DNAH12: variants seen among roughly 807,000 people sequenced by gnomAD.
DNAH12 encodes axonemal beta dynein heavy chain 12.
Under a neutral mutation model 371.5 loss-of-function variants are expected in DNAH12, and 285 were observed. That is an observed-to-expected ratio of 0.77 (90% confidence interval 0.70 to 0.85). The LOEUF (loss-of-function observed/expected upper bound fraction) is 0.85, where lower values mean the gene tolerates loss of function less well. Ranked by LOEUF, DNAH12 falls within the 40% of genes least tolerant of loss-of-function variation. The pLI is 0.00. For synonymous variants in DNAH12, 1,200 were observed against 1,213.0 expected, an observed-to-expected ratio of 0.99 and a Z score of 0.22; for missense variants, 3,611 against 3,689.4, an observed-to-expected ratio of 0.98 and a Z score of 0.55.
intron 4 of DNAH12, among the ~76,000 whole-genome samples, chr3:57,515,250 C>T (rs1309543224): frequency 6.6e-6 from 1 of 152,120 alleles, no homozygotes; most frequent in African/African-American, 2.4e-5. Context: ...TACCATTCTC[C>T]ACTAAAAGGA....
chr3:57,408,779 C>T (rs534060797), intron 39 of DNAH12, among the ~76,000 whole-genome samples: 4 of 152,228 alleles, frequency 2.6e-5, no homozygotes, highest in South Asian at 2.1e-4. Flanking sequence ...TTTTCCCTCT[C>T]TTTCCTCCTA....
chr3:57,398,298 C>T (rs2063785968), intron 43 of DNAH12, among the ~76,000 whole-genome samples: 1 of 152,026 alleles, frequency 6.6e-6, no homozygotes, highest in Non-Finnish European at 1.5e-5. Flanking sequence ...TTATGGTACA[C>T]CATCAAGTGG....
intron 13 of DNAH12, among the ~76,000 whole-genome samples, chr3:57,472,916 T>C (rs1353129480): frequency 6.6e-6 from 1 of 152,194 alleles, no homozygotes; most frequent in East Asian, 1.9e-4. Context: ...AAGTTTTCAC[T>C]TACAGTTGAT....
chr3:57,553,893 C>A, the DNAH12 span, among the ~76,000 whole-genome samples: 1 of 150,008 alleles, frequency 6.7e-6, no homozygotes, highest in Non-Finnish European at 1.5e-5. Context: ...GGCGCGATCT[C>A]GGCTCACTGC....
chr3:57,529,920 T>C (rs1400766300), intron 2 of DNAH12, among the ~76,000 whole-genome samples: 1 of 152,144 alleles, frequency 6.6e-6, no homozygotes, highest in East Asian at 1.9e-4. Context: ...CCATAGGTTT[T>C]CATATGTTGC....
chr3:57,507,308 GAATC>G (rs1325340944), intron 8 of DNAH12, among the ~76,000 whole-genome samples: 2 of 151,934 alleles, frequency 1.3e-5, no homozygotes, highest in Non-Finnish European at 2.9e-5. Context: ...AACAAAATGA[GAATC>G]AATCAACTTG....
intron 58 of DNAH12, among the ~76,000 whole-genome samples, chr3:57,363,248 C>A (rs2062977057): frequency 6.6e-6 from 1 of 152,080 alleles, no homozygotes; most frequent in African/African-American, 2.4e-5. Flanking sequence ...AAACTGGATA[C>A]CTATCCAATA....
chr3:57,330,649 C>T (rs577866806), intron 62 of DNAH12, among the ~76,000 whole-genome samples: 1 of 149,560 alleles, frequency 6.7e-6, no homozygotes, highest in South Asian at 2.1e-4. Flanking sequence ...ACCAGCATGT[C>T]ACATGTATAC....
intron 35 of DNAH12, among the ~76,000 whole-genome samples, chr3:57,424,520 G>A (rs1198488819): frequency 6.6e-6 from 1 of 150,414 alleles, no homozygotes. Context: ...GCTCACGCCA[G>A]TAATCCCAGC....
chr3:57,451,901 G>A (rs867285567), intron 25 of DNAH12, among the ~76,000 whole-genome samples: 28 of 152,244 alleles, frequency 1.8e-4, no homozygotes, highest in African/African-American at 6.0e-4. Context: ...GGGTGAGTGG[G>A]GAGAAGTAAT....
At chr3:57,436,192 A>G (rs1477783511) in intron 30 of DNAH12, among the ~76,000 whole-genome samples, 1 of 152,112 alleles carries the variant, frequency 6.6e-6, no homozygotes, top group East Asian at 1.9e-4. Context: ...ATATATACAC[A>G]CACACATAAC....
chr3:57,317,988 C>G (rs1288139890), intron 65 of DNAH12, among the ~76,000 whole-genome samples: 1 of 152,026 alleles, frequency 6.6e-6, no homozygotes, highest in African/African-American at 2.4e-5. Flanking sequence ...CTATTCAAAC[C>G]TTTAGCCCAT....
chr3:57,455,874 T>A (rs2065890183), intron 22 of DNAH12, among the ~76,000 whole-genome samples: 1 of 152,226 alleles, frequency 6.6e-6, no homozygotes, highest in Non-Finnish European at 1.5e-5. Flanking sequence ...AGAGGTTTAA[T>A]CTTTTTAAAA....
intron 2 of DNAH12, 143 bp downstream of exon 2, chr3:57,542,558 C>T: frequency 1.1e-6 from 1 of 935,844 alleles, no homozygotes; most frequent in Non-Finnish European, 1.5e-6. Context: ...ATTACAATTA[C>T]TTTTCAATTG....
Position 57,310,827 on chromosome 3 carries a change from C to T in DNAH12, c.10786G>A (p.Asp3596Asn). ...TCAACTATGTACAGATTATAAAAGTCAGCCAGCATGGTTAATAGAAGACGT... is the reference window on the plus strand; with the variant it reads ...TCAACTATGTACAGATTATAAAAGTTAGCCAGCATGGTTAATAGAAGACGT... Reference protein sequence around the residue: ...DRRLLLTMLADFYNLYIVENP... With the variant: ...DRRLLLTMLANFYNLYIVENP... Residue 3596 changes from aspartate (D) to asparagine (N), a missense_variant, in exon 67 of 74, where the codon GAC (aspartate) becomes AAC (asparagine). Physicochemically the swap from Asp to Asn is conservative, Grantham distance 23. This residue lies in a region of DNAH12 where 2,266 missense variants were observed against 2,236.9 expected (regional missense o/e 1.01). Coordinates refer to ENST00000495027, the MANE Select transcript of DNAH12 (RefSeq NM_001366028.2). The T allele has an allele frequency of 6.4e-7, 1 of 1,551,618 alleles. No individual in the cohort carries two copies. The highest frequency in any genetic ancestry group is 8.7e-7 in the Non-Finnish European group (1 of 1,146,962).
intron 37 of DNAH12, among the ~76,000 whole-genome samples, 196 bp from the exon 38 acceptor site, chr3:57,415,760 CTTTAT>C (rs911212177): frequency 4.7e-5 from 7 of 149,412 alleles, no homozygotes; most frequent in Admixed American, 1.3e-4. Context: ...ATTGCAGAGA[CTTTAT>C]TTTGTGTCTT....
At chr3:57,465,942 G>C (rs1419907852) in intron 17 of DNAH12, among the ~76,000 whole-genome samples, 1 of 152,074 alleles carries the variant, frequency 6.6e-6, no homozygotes, top group Non-Finnish European at 1.5e-5. Context: ...ATGATATTTT[G>C]TTATGAAGGT....
intron 11 of DNAH12, among the ~76,000 whole-genome samples, chr3:57,499,649 T>TAC (rs2067455452): frequency 5.1e-5 from 1 of 19,712 alleles, no homozygotes; most frequent in Admixed American, 5.8e-4. Context: ...AAAAAAAAAA[T>TAC]ATATATATAT....
At chr3:57,325,983 A>G (rs577004025) in intron 62 of DNAH12, among the ~76,000 whole-genome samples, 45 of 152,320 alleles carry the variant, frequency 3.0e-4, no homozygotes, top group African/African-American at 1.1e-3. Flanking sequence ...GGAAGATGAA[A>G]TGAAGCGAGA....
Sources: allele counts gnomAD v4.1 joint callset (sites outside exome capture counted in the v4.1 genomes callset), GRCh38; gene constraint gnomAD v4.1.1; regional missense constraint gnomAD v4.1.1; transcripts MANE v1.5; gene names NCBI Gene and HGNC (gene_info 2026-07-23, HGNC 2026-07-21).